CDC14A: variants seen among roughly 807,000 people sequenced by gnomAD.
CDC14A encodes dual specificity protein phosphatase CDC14A.
Under a neutral mutation model 74.4 loss-of-function variants are expected in CDC14A, and 53 were observed. The ratio of observed to expected loss-of-function variants is 0.71; its 90% CI spans 0.57 to 0.89. CDC14A has a LOEUF of 0.89. Ranked by LOEUF, CDC14A falls within the 40% of genes least tolerant of loss-of-function variation. The pLI, the probability that CDC14A is intolerant of heterozygous loss-of-function variation, is 0.00. For missense variants in CDC14A, 646 were observed against 713.7 expected (o/e 0.91, Z 1.08); for synonymous variants, 247 against 258.4 (o/e 0.96, Z 0.43).
In CDC14A at chr1:100,499,201, T is replaced by C. The variant is rs1648380747; in HGVS notation, c.1694T>C (p.Leu565Pro). Residue 565 changes from leucine (L) to proline (P), a missense_variant, in exon 15 of 16, where the codon CTC becomes CCC. Leu to Pro is a moderately conservative substitution (Grantham distance 98, BLOSUM62 -3). Coordinates refer to ENST00000336454, the MANE Select transcript of CDC14A (RefSeq NM_003672.4). The stretch of plus-strand genomic sequence containing the variant: ...AAGACAGAGGAGCACACCACCATCC[T>C]CCGACCCTCCTACACCGGGCTTTCT... The part of the protein sequence containing the change: ...SAKTEEHTTI[L>P]RPSYTGLSSS... 2.5e-6 allele frequency: 4 copies of C among 1,613,936 alleles called. No homozygotes were observed. In the African/African-American group the frequency reaches 5.3e-5, roughly 22 times the overall value.
At chr1:100,456,801 C>A (rs1412354888) in intron 8 of CDC14A, among the ~76,000 whole-genome samples, 1 of 152,142 alleles carries the variant, frequency 6.6e-6, no homozygotes, top group Non-Finnish European at 1.5e-5. Context: ...CTGCTTGAAT[C>A]ATGATTTTAC....
chr1:100,404,701 G>A (rs753393545), intron 4 of CDC14A, among the ~76,000 whole-genome samples: 5 of 152,046 alleles, frequency 3.3e-5, no homozygotes, highest in Non-Finnish European at 7.4e-5. Flanking sequence ...GTGGTGGAAG[G>A]TGCCTGTATT....
At chr1:100,473,481 G>T (rs1173029527) in intron 10 of CDC14A, among the ~76,000 whole-genome samples, 1 of 151,984 alleles carries the variant, frequency 6.6e-6, no homozygotes, top group Non-Finnish European at 1.5e-5. Context: ...CTGCCTCCTG[G>T]GTTCAAGTGA....
intron 10 of CDC14A, among the ~76,000 whole-genome samples, chr1:100,472,849 T>C (rs943243185): frequency 6.6e-6 from 1 of 152,118 alleles, no homozygotes; most frequent in Admixed American, 6.5e-5. Flanking sequence ...ATTTTTTCTA[T>C]AGCAGCATCA....
At chr1:100,353,613 C>G in intron 1 of CDC14A, 149 bp from the exon 2 acceptor site, 4 of 595,334 alleles carry the variant, frequency 6.7e-6, no homozygotes, top group South Asian at 6.1e-5. Flanking sequence ...TCTTGAGTCT[C>G]TAGCTTTCTG....
At chr1:100,382,910 A>G (rs1331801093) in intron 3 of CDC14A, among the ~76,000 whole-genome samples, 1 of 152,234 alleles carries the variant, frequency 6.6e-6, no homozygotes, top group Non-Finnish European at 1.5e-5. Flanking sequence ...CCATAATCCT[A>G]TCCTGTAAAC....
In CDC14A at chr1:100,392,457, C is replaced by CT. The variant is rs78802981; in HGVS notation, c.309+1645dup. 5.6e-3 allele frequency among the ~76,000 whole-genome samples: 808 copies of CT among 143,324 alleles called. 9 individuals are homozygous for CT. Among genetic ancestry groups the CT allele is most frequent in the African/African-American group, 0.017 (665 of 39,412 alleles). The allele number at this position is 143,324 out of a possible 152,430, so 94.0% of individuals were successfully genotyped here. ...CATTTGCCACTCTTCGCACGTCTTT[C>CT]TTTTTTTTTTTTGTGAGGACCAAAT... On this transcript the variant is annotated intron_variant, in intron 4 of 15. Coordinates refer to ENST00000336454, the MANE Select transcript of CDC14A (RefSeq NM_003672.4).
At chr1:100,464,272 A>G (rs898823196) in intron 9 of CDC14A, among the ~76,000 whole-genome samples, 6 of 140,800 alleles carry the variant, frequency 4.3e-5, no homozygotes, top group African/African-American at 1.5e-4. Flanking sequence ...CACCCTCCCC[A>G]TTAGCTAGCA....
At chr1:100,499,974 A>G (rs959478388) in intron 15 of CDC14A, among the ~76,000 whole-genome samples, 4 of 152,180 alleles carry the variant, frequency 2.6e-5, no homozygotes, top group East Asian at 1.9e-4. Context: ...CATCTTACCA[A>G]TGAGATCTCT....
chr1:100,437,177 C>T (rs968155717), intron 5 of CDC14A, among the ~76,000 whole-genome samples: 8 of 152,044 alleles, frequency 5.3e-5, no homozygotes, highest in Non-Finnish European at 7.4e-5. Context: ...CAGAGTGAGA[C>T]CCTGTTTCAA....
intron 4 of CDC14A, among the ~76,000 whole-genome samples, chr1:100,394,775 T>A (rs1030560647): frequency 6.6e-6 from 1 of 152,214 alleles, no homozygotes; most frequent in Non-Finnish European, 1.5e-5. Context: ...ACACAAACCC[T>A]TAATACACAC....
At chr1:100,394,943 G>C (rs1658262169) in intron 4 of CDC14A, among the ~76,000 whole-genome samples, 1 of 152,158 alleles carries the variant, frequency 6.6e-6, no homozygotes, top group Admixed American at 6.5e-5. Context: ...GTTGCTAGTT[G>C]GATAAGTGTC....
intron 10 of CDC14A, among the ~76,000 whole-genome samples, chr1:100,483,399 A>G (rs1466228280): frequency 6.6e-6 from 1 of 152,146 alleles, no homozygotes; most frequent in African/African-American, 2.4e-5. Context: ...GTATTACTCA[A>G]TCCTGTTGCT....
rs537217049 is a variant in CDC14A, at chr1:100,488,142, G to A, written c.1137+3691G>A. On this transcript the variant is annotated intron_variant, in intron 11 of 15. Coordinates refer to ENST00000336454, the MANE Select transcript of CDC14A (RefSeq NM_003672.4). ...GGGCCTATGGGTCCATTATGGCTTG[G>A]AGTTATCTTAAAAGATAGAATTTAA... 7.2e-5 allele frequency among the ~76,000 whole-genome samples: 11 copies of A among 152,274 alleles called. No individual in the cohort carries two copies. In the South Asian group the frequency reaches 1.9e-3, roughly 26 times the overall value.
At chr1:100,449,512 G>A (rs1036188899) in intron 7 of CDC14A, among the ~76,000 whole-genome samples, 3 of 152,052 alleles carry the variant, frequency 2.0e-5, no homozygotes, top group Admixed American at 6.6e-5. Context: ...ACCCGGTGGC[G>A]GCTTCTGAGC....
upstream of CDC14A, chr1:100,351,590 C>T (rs569667701): frequency 9.4e-6 from 6 of 636,024 alleles, no homozygotes; most frequent in Non-Finnish European, 1.4e-5. Context: ...TAACCTTCCT[C>T]CTTGGACCAG....
chr1:100,351,578 G>A (rs770280543), upstream of CDC14A: 3 of 622,260 alleles, frequency 4.8e-6, no homozygotes, highest in Non-Finnish European at 5.7e-6. Flanking sequence ...ATTCCTTTGT[G>A]TTAACCTTCC....
chr1:100,492,786 C>A (rs1021044168), intron 11 of CDC14A, among the ~76,000 whole-genome samples: 3 of 152,002 alleles, frequency 2.0e-5, no homozygotes, highest in African/African-American at 7.3e-5. Context: ...TAATTCCATT[C>A]TTTTCCTGAA....
intron 3 of CDC14A, among the ~76,000 whole-genome samples, chr1:100,387,650 G>T (rs980690492): frequency 6.6e-5 from 10 of 152,096 alleles, no homozygotes; most frequent in African/African-American, 1.9e-4. Context: ...AGCTTATAAA[G>T]TTTAAGCATT....
Sources: allele counts gnomAD v4.1 joint callset (sites outside exome capture counted in the v4.1 genomes callset), GRCh38; gene constraint gnomAD v4.1.1; transcripts MANE v1.5; gene names NCBI Gene and HGNC (gene_info 2026-07-23, HGNC 2026-07-21).